ANK3: variants seen among roughly 807,000 people sequenced by gnomAD.
ANK3 encodes ankyrin-3.
A neutral mutation model predicts 370.9 loss-of-function variants in ANK3; 57 were observed. The observed-to-expected ratio is 0.15, with a 90% CI of 0.12 to 0.19. ANK3 has a LOEUF of 0.19. ANK3 is among the 10% of genes least tolerant of loss of function. ANK3 has a pLI of 1.00. For missense variants in ANK3, 4,439 were observed against 5,302.1 expected (o/e 0.84, Z 5.06); for synonymous variants, 1,929 against 1,946.3 (o/e 0.99, Z 0.23).
chr10:60,253,304 C>T (rs2097693449), intron 7 of ANK3, among the ~76,000 whole-genome samples: 1 of 152,110 alleles, frequency 6.6e-6, no homozygotes, highest in Admixed American at 6.5e-5. Flanking sequence ...TGCCCTGGAC[C>T]ACATTAGTGA....
At chr10:60,303,626 G>C (rs997955540) in intron 1 of ANK3, among the ~76,000 whole-genome samples, 1 of 152,062 alleles carries the variant, frequency 6.6e-6, no homozygotes, top group Non-Finnish European at 1.5e-5. Flanking sequence ...GAGAACCCTG[G>C]TACACTGTTG....
At chr10:60,090,565 T>C (rs758783386) in intron 28 of ANK3, among the ~76,000 whole-genome samples, 6 of 152,128 alleles carry the variant, frequency 3.9e-5, no homozygotes, top group Non-Finnish European at 5.9e-5. Context: ...ACCAAACGTA[T>C]TAATAATAGG....
In ANK3 at chr10:60,240,304, A is replaced by ATTTTTT. The variant is rs1305756045; in HGVS notation, c.799-5519_799-5518insAAAAAA. ...CACATATATATATATATATATATAT[A>ATTTTTT]TATTTTTTTTTCTTTTTGAGATAGA... is the stretch of plus-strand genomic sequence containing the variant. On this transcript the variant is annotated intron_variant, in intron 7 of 43. Coordinates refer to ENST00000280772, the MANE Select transcript of ANK3 (RefSeq NM_020987.5). Among the ~76,000 whole-genome samples, 233 of 87,624 alleles carry ATTTTTT rather than the reference A, an allele frequency of 2.7e-3. 6 individuals are homozygous for ATTTTTT. The highest frequency in any genetic ancestry group is 4.5e-3 in the East Asian group (14 of 3,146). 57.5% of individuals were successfully genotyped at this position (87,624 alleles called of 152,430 possible).
intron 2 of ANK3, among the ~76,000 whole-genome samples, chr10:60,587,702 C>G (rs952205789): frequency 1.3e-5 from 2 of 151,938 alleles, no homozygotes; most frequent in Admixed American, 1.3e-4. Flanking sequence ...TAAAAAATAC[C>G]CCAAAACATT....
At chr10:60,046,941 G>T (rs940677867) in intron 42 of ANK3, among the ~76,000 whole-genome samples, 52 of 151,754 alleles carry the variant, frequency 3.4e-4, no homozygotes, top group African/African-American at 1.2e-3. Flanking sequence ...TGAGTAGCTG[G>T]GACTACAGGC....
At chr10:60,191,864 A>G (rs1172178178) in intron 16 of ANK3, among the ~76,000 whole-genome samples, 1 of 152,196 alleles carries the variant, frequency 6.6e-6, no homozygotes, top group Non-Finnish European at 1.5e-5. Flanking sequence ...CCAATGGATG[A>G]TTAGATAAAG....
chr10:60,238,490 A>T (rs1301024845), intron 7 of ANK3, among the ~76,000 whole-genome samples: 2 of 152,124 alleles, frequency 1.3e-5, no homozygotes, highest in Non-Finnish European at 2.9e-5. Flanking sequence ...GAACCCAGAC[A>T]CACACCCTAA....
intron 1 of ANK3, among the ~76,000 whole-genome samples, chr10:60,672,482 A>G (rs2079074162): frequency 6.6e-6 from 1 of 152,194 alleles, no homozygotes; most frequent in South Asian, 2.1e-4. Context: ...TCCCTGAACT[A>G]CAGGGTTTAG....
intron 1 of ANK3, among the ~76,000 whole-genome samples, chr10:60,312,895 T>C (rs188102309): frequency 1.7e-4 from 26 of 152,326 alleles, no homozygotes; most frequent in Admixed American, 7.2e-4. Context: ...CAGTTTGCTC[T>C]AGTTCTCCCT....
At chr10:60,246,106 A>G (rs2097547630) in intron 7 of ANK3, among the ~76,000 whole-genome samples, 1 of 152,014 alleles carries the variant, frequency 6.6e-6, no homozygotes, top group Non-Finnish European at 1.5e-5. Flanking sequence ...AAATAGAAAA[A>G]TTAGCCAGGC....
intron 25 of ANK3, among the ~76,000 whole-genome samples, chr10:60,132,679 C>T (rs755643611): frequency 2.0e-5 from 3 of 150,822 alleles, no homozygotes; most frequent in Non-Finnish European, 2.9e-5. Flanking sequence ...TACAGTGGTG[C>T]AATCTTGGCT....
At chr10:60,186,457 C>T (rs2096335949) in intron 17 of ANK3, among the ~76,000 whole-genome samples, 1 of 151,500 alleles carries the variant, frequency 6.6e-6, no homozygotes, top group Admixed American at 6.6e-5. Context: ...CTCGAGCAGT[C>T]TACCCGCCTT....
At chr10:60,436,013 G>A (rs2064147213) in intron 2 of ANK3, among the ~76,000 whole-genome samples, 2 of 151,924 alleles carry the variant, frequency 1.3e-5, no homozygotes, top group East Asian at 1.9e-4. Flanking sequence ...GCTTGAACCC[G>A]GAAGGCGGAG....
chr10:60,202,635 G>A (rs1217919899), intron 12 of ANK3, among the ~76,000 whole-genome samples: 1 of 152,166 alleles, frequency 6.6e-6, no homozygotes, highest in Non-Finnish European at 1.5e-5. Context: ...GGCCGGGCAT[G>A]GTGGCTCATG....
At chr10:60,536,018 G>A (rs538046607) in intron 2 of ANK3, among the ~76,000 whole-genome samples, 1 of 152,038 alleles carries the variant, frequency 6.6e-6, no homozygotes, top group Non-Finnish European at 1.5e-5. Context: ...TTTTCTCTTT[G>A]AGGATAGCCA....
intron 2 of ANK3, among the ~76,000 whole-genome samples, chr10:60,597,653 G>T (rs2078006618): frequency 6.6e-6 from 1 of 152,030 alleles, no homozygotes; most frequent in Non-Finnish European, 1.5e-5. Flanking sequence ...TCAAATCCTA[G>T]ATGCCATAGA....
rs3045340 is a variant in ANK3, at chr10:60,100,234, G to GTTTTTTTTTTTTTTTTT, written c.3328+5654_3328+5670dup. Among the ~76,000 whole-genome samples the GTTTTTTTTTTTTTTTTT allele has an allele frequency of 1.7e-3, 101 of 57,900 alleles. 23 individuals are homozygous for GTTTTTTTTTTTTTTTTT. Among genetic ancestry groups the GTTTTTTTTTTTTTTTTT allele is most frequent in the African/African-American group, 7.9e-3 (93 of 11,736 alleles). 38.0% of individuals were successfully genotyped at this position (57,900 alleles called of 152,430 possible). A position where few individuals can be genotyped will look rare whatever the true frequency, so the allele number is the denominator to read the frequency against. On this transcript the variant is annotated intron_variant, in intron 28 of 43. Transcript: ENST00000280772. ...GGCTGAAAGTCAGTATTTTGCTATG[G>GTTTTTTTTTTTTTTTTT]TTTTTTTTTTTTTTTTTTTTTTGCA...
At chr10:60,542,016 G>C (rs2076860124) in intron 2 of ANK3, among the ~76,000 whole-genome samples, 1 of 151,778 alleles carries the variant, frequency 6.6e-6, no homozygotes, top group South Asian at 2.1e-4. Flanking sequence ...CTCTTAATTT[G>C]TAAACTAATT....
chr10:60,079,227 C>CACA (rs1479559341), intron 36 of ANK3, among the ~76,000 whole-genome samples: 3 of 52,134 alleles, frequency 5.8e-5, no homozygotes, highest in Admixed American at 1.6e-4. Flanking sequence ...ACACACACAC[C>CACA]CCTCTTCTGC....
Sources: gnomAD v4.1 joint callset for allele counts (sites outside exome capture counted in the v4.1 genomes callset) on GRCh38, gnomAD v4.1.1 for gene constraint, MANE v1.5 for transcripts, NCBI Gene and HGNC (gene_info 2026-07-23, HGNC 2026-07-21) for gene names.